Variants in DLGAP1 observed in about 807,000 individuals in gnomAD.
DLGAP1 encodes the protein DLG associated protein 1.
DLGAP1 carries 11 observed loss-of-function variants against 90.8 expected under a neutral mutation model. The observed-to-expected ratio is 0.12, with a 90% CI of 0.08 to 0.20. DLGAP1 has a LOEUF of 0.20. Ranked by LOEUF, DLGAP1 falls within the 10% of genes least tolerant of loss-of-function variation. The pLI, the probability that DLGAP1 is intolerant of heterozygous loss-of-function variation, is 1.00. For missense variants in DLGAP1, 1,050 were observed against 1,333.8 expected (o/e 0.79, Z 3.31); for synonymous variants, 558 against 540.7 (o/e 1.03, Z -0.44).
chr18:3,672,878 C>T (rs1357141847), intron 7 of DLGAP1, among the ~76,000 whole-genome samples: 1 of 152,178 alleles, frequency 6.6e-6, no homozygotes, highest in Non-Finnish European at 1.5e-5. Flanking sequence ...TGGATTCCTA[C>T]ACCTGTTCTT....
rs955528865 is a variant in DLGAP1 at position 3,725,935 on chromosome 18, C to T, written c.1591+3200G>A. ...TGTCTGTGATTTCATTTTATGAATACGAATAAAGAACAAGGCTGGAAGAGA... is the reference window on the plus strand; with the variant it reads ...TGTCTGTGATTTCATTTTATGAATATGAATAAAGAACAAGGCTGGAAGAGA... On this transcript the variant is annotated intron_variant, in intron 7 of 12. Coordinates refer to ENST00000315677, the MANE Select transcript of DLGAP1 (RefSeq NM_004746.4). Among the ~76,000 whole-genome samples the T allele has an allele frequency of 7.2e-5, 11 of 151,870 alleles. No homozygotes were observed. In the South Asian group the frequency reaches 1.0e-3, roughly 14 times the overall value.
rs1491397018 is a variant in DLGAP1, at chr18:4,257,971, A to ATGTG, written c.-266-106685_-266-106684insCACA. Among the ~76,000 whole-genome samples, 15 of 84,634 alleles carry ATGTG rather than the reference A, an allele frequency of 1.8e-4. No homozygotes were observed. The South Asian group carries it at 2.3e-3, about 13-fold the overall frequency. 55.5% of individuals were successfully genotyped at this position (84,634 alleles called of 152,430 possible). On this transcript the variant is annotated intron_variant, in intron 1 of 12. Transcript: ENST00000315677. Reference sequence around the variant, plus strand: ...TTATGGATTACAACAAGAGTTATACATATGTGTGTGTGTGTGTGTGTGTGT... The same window carrying ATGTG: ...TTATGGATTACAACAAGAGTTATACATGTGTATGTGTGTGTGTGTGTGTGTGTGT...
intron 7 of DLGAP1, among the ~76,000 whole-genome samples, chr18:3,678,568 A>C (rs962968486): frequency 1.3e-5 from 2 of 152,144 alleles, no homozygotes; most frequent in Admixed American, 1.3e-4. Flanking sequence ...TAGAGTCCCC[A>C]TTACATTAAA....
chr18:4,407,850 G>A (rs980279132), intron 1 of DLGAP1, among the ~76,000 whole-genome samples: 2 of 147,264 alleles, frequency 1.4e-5, no homozygotes, highest in African/African-American at 2.5e-5. Context: ...GCCAGAGTGA[G>A]ACTCAGTCTC....
intron 3 of DLGAP1, chr18:3,897,104 C>T (rs575968382): frequency 2.8e-4 from 42 of 152,322 alleles, no homozygotes; most frequent in African/African-American, 9.9e-4. Flanking sequence ...TCCCATGTTA[C>T]ATAAAACTTT....
chr18:3,751,237 G>A (rs2063481430), intron 5 of DLGAP1, among the ~76,000 whole-genome samples: 1 of 152,118 alleles, frequency 6.6e-6, no homozygotes. Context: ...AATGAAGAGG[G>A]TAACTCAGTT....
chr18:3,563,696 T>C (rs1252368776), intron 9 of DLGAP1, among the ~76,000 whole-genome samples: 1 of 152,160 alleles, frequency 6.6e-6, no homozygotes, highest in Non-Finnish European at 1.5e-5. Context: ...CTTGAACTCC[T>C]GAGCTCTGGT....
chr18:4,304,791 C>T (rs955908672), intron 1 of DLGAP1, among the ~76,000 whole-genome samples: 7 of 152,116 alleles, frequency 4.6e-5, no homozygotes, highest in African/African-American at 7.2e-5. Flanking sequence ...TTTAGCTGGG[C>T]GCGGTGGCGG....
intron 3 of DLGAP1, among the ~76,000 whole-genome samples, chr18:3,975,814 C>A (rs2073559752): frequency 6.6e-6 from 1 of 152,070 alleles, no homozygotes; most frequent in African/African-American, 2.4e-5. Flanking sequence ...GTGAAATAAG[C>A]CAGTCACAAA....
chr18:3,846,324 T>C (rs1239484151), intron 4 of DLGAP1, among the ~76,000 whole-genome samples: 3 of 152,158 alleles, frequency 2.0e-5, no homozygotes, highest in Non-Finnish European at 4.4e-5. Flanking sequence ...TTTCCTCTAC[T>C]GAATTAATAA....
chr18:3,825,071 G>A (rs1040945619), intron 4 of DLGAP1, among the ~76,000 whole-genome samples: 1 of 152,174 alleles, frequency 6.6e-6, no homozygotes. Context: ...ATAATGAACA[G>A]AGGATGTCCC....
chr18:4,447,606 G>T (rs752105575), intron 1 of DLGAP1, among the ~76,000 whole-genome samples: 1 of 151,404 alleles, frequency 6.6e-6, no homozygotes. Flanking sequence ...GACACAAAGG[G>T]GTTTATAATA....
chr18:3,554,532 C>T (rs1046393700), intron 9 of DLGAP1, among the ~76,000 whole-genome samples: 3 of 152,210 alleles, frequency 2.0e-5, no homozygotes, highest in African/African-American at 7.2e-5. Flanking sequence ...CCTCTGTCCA[C>T]GGTCCTCACC....
intron 1 of DLGAP1, among the ~76,000 whole-genome samples, chr18:4,364,584 G>A (rs1327079492): frequency 1.3e-5 from 2 of 151,936 alleles, no homozygotes; most frequent in Non-Finnish European, 2.9e-5. Flanking sequence ...TATTTAAAAT[G>A]TGTAGTTTAA....
intron 7 of DLGAP1, among the ~76,000 whole-genome samples, chr18:3,650,116 T>C (rs1482391510): frequency 6.6e-6 from 1 of 152,178 alleles, no homozygotes; most frequent in Non-Finnish European, 1.5e-5. Context: ...CAATCTCGGC[T>C]CACCGCAACC....
At chr18:4,148,623 T>C (rs530432688) in intron 2 of DLGAP1, among the ~76,000 whole-genome samples, 1 of 152,324 alleles carries the variant, frequency 6.6e-6, no homozygotes, top group African/African-American at 2.4e-5. Context: ...CTAGTTTGAT[T>C]CTGTCTGCTC....
At chr18:4,077,513 CTG>C (rs1431791877) in intron 2 of DLGAP1, among the ~76,000 whole-genome samples, 1 of 152,070 alleles carries the variant, frequency 6.6e-6, no homozygotes, top group Non-Finnish European at 1.5e-5. Flanking sequence ...GGGTGGGGAG[CTG>C]TGAGTGACTT....
At chr18:3,555,080 T>G (rs112797279) in intron 9 of DLGAP1, among the ~76,000 whole-genome samples, 1,994 of 152,238 alleles carry the variant, frequency 0.013, 29 homozygotes, top group Middle Eastern at 0.044. Flanking sequence ...CATTAAGTAA[T>G]CCCATCTGCC....
intron 2 of DLGAP1, among the ~76,000 whole-genome samples, chr18:4,111,489 G>A (rs2075971380): frequency 1.3e-5 from 2 of 152,074 alleles, no homozygotes; most frequent in African/African-American, 4.8e-5. Context: ...ACTTTACAAA[G>A]GATTGGTATT....
Sources: allele counts gnomAD v4.1 joint callset (sites outside exome capture counted in the v4.1 genomes callset), GRCh38; gene constraint gnomAD v4.1.1; transcripts MANE v1.5; gene names NCBI Gene and HGNC (gene_info 2026-07-23, HGNC 2026-07-21).